The following MYBL2 variants were observed in gnomAD, a reference collection of about 807,000 sequenced individuals.
MYBL2 encodes the protein myb-related protein B.
MYBL2 carries 28 observed loss-of-function variants against 79.9 expected under a neutral mutation model. The observed-to-expected ratio is 0.35, with a 90% CI of 0.26 to 0.48. The LOEUF is 0.48. Ranked by LOEUF, MYBL2 falls within the 20% of genes least tolerant of loss-of-function variation. The probability of loss-of-function intolerance (pLI) is 0.99; values close to 1 mark genes in which losing one functional copy is unlikely to be tolerated. For missense variants in MYBL2, 735 were observed against 893.9 expected (o/e 0.82, Z 2.27); for synonymous variants, 378 against 361.2 (o/e 1.05, Z -0.53).
intron 1 of MYBL2, among the ~76,000 whole-genome samples, chr20:43,672,579 CA>C (rs1272420392): frequency 6.6e-6 from 1 of 151,988 alleles, no homozygotes; most frequent in South Asian, 2.1e-4. Context: ...GATGTTTCTA[CA>C]AAAAAATACA....
rs202052279 is a variant in MYBL2, at chr20:43,715,135, C to T, written c.1826C>T (p.Pro609Leu). The T allele has an allele frequency of 1.2e-5, 20 of 1,613,958 alleles. No homozygotes were observed. Among genetic ancestry groups the T allele is most frequent in the South Asian group, 2.2e-5 (2 of 91,080 alleles). ...MSTLPKSLSL[P>L]TTAPSNSSSL... ...TCCTTGACTTGGTTTTGGTTTCAGC[C>T]GACAACTGCCCCTTCAAACTCTTCC... The change falls in exon 13 of 14, where the codon CCG becomes CTG. Residue 609 changes from proline to leucine, a missense_variant and splice_region_variant. By Grantham distance (98) the Pro-to-Leu change is moderately conservative. Transcript: ENST00000217026.
intron 6 of MYBL2, among the ~76,000 whole-genome samples, chr20:43,693,841 AG>A (rs993627059): frequency 4.6e-5 from 7 of 152,006 alleles, no homozygotes; most frequent in Admixed American, 1.3e-4. Context: ...TCTTGAGCCC[AG>A]GAGTTTAAGA....
intron 8 of MYBL2, among the ~76,000 whole-genome samples, chr20:43,703,887 G>A (rs1444109892): frequency 6.6e-6 from 1 of 152,202 alleles, no homozygotes; most frequent in Admixed American, 6.5e-5. Context: ...TTGGCTTGTA[G>A]ATGCTGGCGG....
rs751745027 is a variant in MYBL2, at chr20:43,692,248, C to T, written c.592C>T (p.Pro198Ser). The T allele has an allele frequency of 2.5e-6, 4 of 1,614,172 alleles. No individual in the cohort carries two copies. Among genetic ancestry groups the T allele is most frequent in the Non-Finnish European group, 3.4e-6 (4 of 1,180,020 alleles). ...GFLSESKDCK[P>S]PVYLLLELED... The stretch of plus-strand genomic sequence containing the variant: ...CTTGAGCGAGTCCAAAGACTGCAAG[C>T]CCCCAGTGTACTTGCTGCTGGAGCT... The change falls in exon 6 of 14, where the codon CCC (proline) becomes TCC (serine). Residue 198 changes from proline (P) to serine (S), a missense_variant. Pro to Ser is a moderately conservative substitution (Grantham distance 74, BLOSUM62 -1). Transcript: ENST00000217026.
intron 8 of MYBL2, among the ~76,000 whole-genome samples, chr20:43,704,175 G>A (rs1018867008): frequency 2.6e-5 from 4 of 151,976 alleles, no homozygotes; most frequent in Non-Finnish European, 5.9e-5. Flanking sequence ...CACCATGCCC[G>A]GCTATTTTTT....
chr20:43,709,218 G>A (rs558029483), intron 9 of MYBL2, among the ~76,000 whole-genome samples: 2 of 152,100 alleles, frequency 1.3e-5, no homozygotes, highest in Non-Finnish European at 2.9e-5. Context: ...GTATCTCCAG[G>A]TGACTAAGGT....
At chr20:43,710,197 G>T in intron 10 of MYBL2, 135 bp downstream of exon 10, 1 of 712,096 alleles carries the variant, frequency 1.4e-6, no homozygotes, top group South Asian at 2.9e-5. Flanking sequence ...CAGAGATCCT[G>T]ATAATATAAA....
chr20:43,685,973 G>T (rs1987263289), intron 4 of MYBL2, among the ~76,000 whole-genome samples: 1 of 152,128 alleles, frequency 6.6e-6, no homozygotes, highest in Admixed American at 6.6e-5. Flanking sequence ...GAAGGCGGAG[G>T]TTGTGGTGAG....
At chr20:43,712,219 G>A (rs1409638813) in intron 11 of MYBL2, among the ~76,000 whole-genome samples, 2 of 152,202 alleles carry the variant, frequency 1.3e-5, no homozygotes, top group Admixed American at 1.3e-4. Flanking sequence ...TTTCATGACA[G>A]TGCGCGATCC....
rs1346285003 is a variant in MYBL2 at position 43,702,897 on chromosome 20, C to T, written c.1359C>T (p.Pro453=). 4 of 1,587,296 alleles carry T rather than the reference C, an allele frequency of 2.5e-6. No individual in the cohort carries two copies. The African/African-American group carries it at 5.4e-5, about 21-fold the overall frequency. ...CTGTTAAGACCCTGCCCTTCTCGCC[C>T]TCCCAGGTGCGTGGACCCCACTCTG... ...STPVKTLPFS[P]SQFLNFWNKQ... Residue 453 remains proline (P), a synonymous_variant, in exon 8 of 14, where the codon CCC becomes CCT. Transcript: ENST00000217026.
chr20:43,709,394 C>T (rs1029673245), intron 9 of MYBL2, among the ~76,000 whole-genome samples: 16 of 152,350 alleles, frequency 1.1e-4, no homozygotes, highest in African/African-American at 3.4e-4. Flanking sequence ...GGAAATCACC[C>T]ATGGTGGGTC....
intron 5 of MYBL2, among the ~76,000 whole-genome samples, chr20:43,690,741 C>T (rs1350012627): frequency 6.6e-6 from 1 of 151,878 alleles, no homozygotes; most frequent in Non-Finnish European, 1.5e-5. Flanking sequence ...TACTATGTGT[C>T]AGCACAGTAC....
rs79614757 is a variant in MYBL2, at chr20:43,702,931, T to C, written c.1365+28T>C. 2.3e-3 allele frequency: 3,521 copies of C among 1,564,502 alleles called. 80 individuals carry two copies. The African/African-American group carries it at 0.04, about 18-fold the overall frequency. ...GCGTGGACCCCACTCTGGCTGCTTA[T>C]TGGGTCGGTACAGACACCTAGTGTT... On this transcript the variant is annotated intron_variant, in intron 8 of 13. Transcript: ENST00000217026.
At chr20:43,712,425 T>C (rs538858917) in intron 11 of MYBL2, among the ~76,000 whole-genome samples, 1 of 152,090 alleles carries the variant, frequency 6.6e-6, no homozygotes, top group South Asian at 2.1e-4. Context: ...GGCCTCTCCT[T>C]GGTGGGGATG....
chr20:43,711,440 C>A (rs879111670), intron 10 of MYBL2, 48 bp from the exon 11 acceptor site: 4 of 1,487,388 alleles, frequency 2.7e-6, no homozygotes, highest in Admixed American at 3.7e-5. Context: ...CACACACACA[C>A]AGCCCGAGTG....
At chr20:43,710,323 C>T (rs1227528625) in intron 10 of MYBL2, among the ~76,000 whole-genome samples, 1 of 152,174 alleles carries the variant, frequency 6.6e-6, no homozygotes, top group Non-Finnish European at 1.5e-5. Context: ...CACTCAGCCT[C>T]AGGATGGGGG....
chr20:43,672,427 CA>C (rs3091561), intron 1 of MYBL2, among the ~76,000 whole-genome samples: 123,312 of 145,008 alleles, frequency 0.85, 52,227 homozygotes, highest in Non-Finnish European at 0.88. Context: ...CCTGTCATTA[CA>C]AAAAAAAAAA....
At chr20:43,704,324 C>T (rs889953710) in intron 8 of MYBL2, among the ~76,000 whole-genome samples, 74 of 152,252 alleles carry the variant, frequency 4.9e-4, no homozygotes, top group Non-Finnish European at 1.3e-4. Context: ...CCTAACTAAC[C>T]ACTTTAAAGG....
intron 2 of MYBL2, among the ~76,000 whole-genome samples, chr20:43,675,125 A>G (rs1986973704): frequency 6.6e-6 from 1 of 151,886 alleles, no homozygotes; most frequent in South Asian, 2.1e-4. Flanking sequence ...AACCACAGGC[A>G]TGCGCCACCA....
Sources: gnomAD v4.1 joint callset for allele counts (sites outside exome capture counted in the v4.1 genomes callset) on GRCh38, gnomAD v4.1.1 for gene constraint, MANE v1.5 for transcripts, NCBI Gene and HGNC (gene_info 2026-07-23, HGNC 2026-07-21) for gene names.